MGAM2: variants seen among roughly 807,000 people sequenced by gnomAD.
The protein encoded by MGAM2 is probable maltase-glucoamylase 2.
Under a neutral mutation model 96.1 loss-of-function variants are expected in MGAM2, and 98 were observed. That is an observed-to-expected ratio of 1.02 (90% CI 0.87 to 1.21). The LOEUF (loss-of-function observed/expected upper bound fraction) is 1.21, where lower values mean the gene tolerates loss of function less well. MGAM2 is among the 50% of genes most tolerant of loss of function. MGAM2 has a pLI of 0.00. For missense variants in MGAM2, 2,055 were observed against 1,182.4 expected (o/e 1.74, Z -10.82); for synonymous variants, 749 against 414.8 (o/e 1.81, Z -9.79).
intron 15 of MGAM2, among the ~76,000 whole-genome samples, chr7:142,152,311 T>C (rs545933856): frequency 1.3e-5 from 2 of 152,206 alleles, no homozygotes; most frequent in Admixed American, 6.5e-5. Flanking sequence ...CTTTCATGAT[T>C]GATTACTGCA....
At chr7:142,214,412 T>C (rs1334085054) in intron 46 of MGAM2, among the ~76,000 whole-genome samples, 3 of 152,198 alleles carry the variant, frequency 2.0e-5, no homozygotes, top group African/African-American at 7.2e-5. Context: ...GAAAACCCCA[T>C]TGTCTCAGCC....
rs763403180 is a variant in MGAM2 at position 142,185,143 on chromosome 7, C to CAGTTGTATA, written c.3987+5_3987+13dup. 1 of 702,770 alleles carries CAGTTGTATA rather than the reference C, an allele frequency of 1.4e-6. No individual in the cohort carries two copies. Among genetic ancestry groups the CAGTTGTATA allele is most frequent in the South Asian group, 1.5e-5 (1 of 67,560 alleles). The allele number at this position is 702,770 out of a possible 1,614,324, so 43.5% of individuals were successfully genotyped here. On this transcript the variant is annotated splice_donor_region_variant and intron_variant, in intron 34 of 47. Coordinates refer to ENST00000477922, the MANE Select transcript of MGAM2 (RefSeq NM_001293626.2). ...TGACCATGAAACTCAGGTTAAGGTA[C>CAGTTGTATA]AGTTGTATATAGATTTTTGTCAACA...
intron 45 of MGAM2, among the ~76,000 whole-genome samples, chr7:142,200,449 A>G (rs1797184990): frequency 6.6e-6 from 1 of 152,224 alleles, no homozygotes; most frequent in East Asian, 1.9e-4. Context: ...GGATACTTAC[A>G]TCGATGAAAT....
chr7:142,164,723 A>T (rs1162330853), intron 23 of MGAM2, 133 bp from the exon 24 acceptor site: 1 of 532,590 alleles, frequency 1.9e-6, no homozygotes, highest in African/African-American at 1.9e-5. Context: ...AGGGATGATG[A>T]CCTAGCAACA....
chr7:142,176,486 G>A (rs987209557), intron 32 of MGAM2, among the ~76,000 whole-genome samples: 5 of 152,160 alleles, frequency 3.3e-5, no homozygotes, highest in African/African-American at 1.2e-4. Context: ...TGCATGCATA[G>A]TCTAAATTAG....
At chr7:142,155,667 C>T (rs559190522) in intron 17 of MGAM2, among the ~76,000 whole-genome samples, 5 of 152,124 alleles carry the variant, frequency 3.3e-5, no homozygotes, top group Admixed American at 3.3e-4. Context: ...TTCTAAATGT[C>T]TTAAGCAGGT....
rs1797828683 is a variant in MGAM2, at chr7:142,218,428, A to G, written c.5255A>G (p.Tyr1752Cys). Reference protein sequence around the residue: ...LSDSNPLKVGYIRIWGVNTYV... With the variant: ...LSDSNPLKVGCIRIWGVNTYV... ...GACTCGAATCCACTAAAAGTTGGGT[A>G]TATTAGAATCTGGGGTGTGAATACC... Residue 1752 changes from tyrosine (Y) to cysteine (C), a missense_variant, in exon 47 of 48, where the codon TAT becomes TGT. Tyr to Cys is a radical substitution (Grantham distance 194). Coordinates refer to ENST00000477922, the MANE Select transcript of MGAM2 (RefSeq NM_001293626.2). 1.4e-6 allele frequency: 1 copy of G among 702,556 alleles called. No homozygotes were observed. The highest frequency in any genetic ancestry group is 1.7e-5 in the African/African-American group (1 of 57,234). The allele number at this position is 702,556 out of a possible 1,614,324, so 43.5% of individuals were successfully genotyped here.
rs534889669 is a variant in MGAM2 at position 142,117,893 on chromosome 7, C to T, written c.106+914C>T. On this transcript the variant is annotated intron_variant, in intron 2 of 47. Coordinates refer to ENST00000477922, the MANE Select transcript of MGAM2 (RefSeq NM_001293626.2). ...CTTCACACCTGCATTCACCTTAAACCACATTCTGATTTATGCAGAGTAGTT... is the reference window on the plus strand; with the variant it reads ...CTTCACACCTGCATTCACCTTAAACTACATTCTGATTTATGCAGAGTAGTT... Among the ~76,000 whole-genome samples, 197 of 151,834 alleles carry T rather than the reference C, an allele frequency of 1.3e-3. 5 individuals are homozygous for T. The South Asian group carries it at 0.04, about 31-fold the overall frequency.
chr7:142,167,024 A>G (rs150053780), intron 25 of MGAM2, among the ~76,000 whole-genome samples: 46 of 152,268 alleles, frequency 3.0e-4, no homozygotes, highest in Non-Finnish European at 2.6e-4. Context: ...GATACCAGTA[A>G]TACCGGATCA....
intron 7 of MGAM2, among the ~76,000 whole-genome samples, chr7:142,135,722 T>TCACA (rs1476122778): frequency 6.5e-5 from 5 of 77,296 alleles, no homozygotes; most frequent in African/African-American, 3.6e-4. Flanking sequence ...GCACTTAGAG[T>TCACA]TACACACACA....
rs1053784807 is a variant in MGAM2, at chr7:142,220,936, G to A, written c.6425G>A (p.Ser2142Asn). 5.7e-6 allele frequency: 4 copies of A among 701,388 alleles called. No homozygotes were observed. In the African/African-American group the frequency reaches 7.0e-5, roughly 12 times the overall value. The allele number at this position is 701,388 out of a possible 1,614,324, so 43.4% of individuals were successfully genotyped here. A position where few individuals can be genotyped will look rare whatever the true frequency, so the allele number is the denominator to read the frequency against. Reference protein sequence around the residue: ...VSTSTTINNISTPVQTNTTNA... With the variant: ...VSTSTTINNINTPVQTNTTNA... The stretch of plus-strand genomic sequence containing the variant: ...ACTAGTACTACTATTAATAATATAA[G>A]TACTCCTGTTCAAACAAATACTACT... Residue 2142 changes from serine (S) to asparagine (N), a missense_variant, in exon 48 of 48, where the codon AGT becomes AAT. Ser to Asn is a conservative substitution (Grantham distance 46). Transcript: ENST00000477922.
At chr7:142,186,675 G>A (rs1286733104) in intron 35 of MGAM2, among the ~76,000 whole-genome samples, 1 of 152,182 alleles carries the variant, frequency 6.6e-6, no homozygotes, top group Non-Finnish European at 1.5e-5. Context: ...CCTCTGTCCT[G>A]ATTTCCTTCC....
rs1797885583 is a variant in MGAM2 at position 142,220,347 on chromosome 7, A to G, written c.5836A>G (p.Thr1946Ala). The G allele has an allele frequency of 1.4e-6, 1 of 702,516 alleles. No individual in the cohort carries two copies. Among genetic ancestry groups the G allele is most frequent in the South Asian group, 1.5e-5 (1 of 67,586 alleles). 43.5% of individuals were successfully genotyped at this position (702,516 alleles called of 1,614,324 possible). Residue 1946 changes from threonine (T) to alanine (A), a missense_variant, in exon 48 of 48, where the codon ACA becomes GCA. By Grantham distance (58) the Thr-to-Ala change is moderately conservative. Coordinates refer to ENST00000477922, the MANE Select transcript of MGAM2 (RefSeq NM_001293626.2). ...TCCTATCACAACCACATGTTTTGCA[A>G]CAAGTACTATTGGTGTTACAACTAA... ...TVPITTTCFA[T>A]STIGVTTNAT... is the part of the protein sequence containing the mutation.
At chr7:142,117,829 A>G (rs1334647938) in intron 2 of MGAM2, among the ~76,000 whole-genome samples, 3 of 152,148 alleles carry the variant, frequency 2.0e-5, no homozygotes, top group Non-Finnish European at 2.9e-5. Context: ...TCCAGTGTAT[A>G]TGACTAATTG....
chr7:142,143,367 T>A (rs1795291227), intron 12 of MGAM2, among the ~76,000 whole-genome samples: 1 of 152,208 alleles, frequency 6.6e-6, no homozygotes, highest in Non-Finnish European at 1.5e-5. Context: ...ATCAACACAT[T>A]ATTTATAATC....
chr7:142,162,453 G>A (rs1054459644), intron 23 of MGAM2, among the ~76,000 whole-genome samples: 2 of 152,030 alleles, frequency 1.3e-5, no homozygotes, highest in Non-Finnish European at 2.9e-5. Flanking sequence ...AACATCACTT[G>A]CCTCATATCT....
chr7:142,121,239 C>T (rs569252040), intron 3 of MGAM2, among the ~76,000 whole-genome samples: 20 of 152,090 alleles, frequency 1.3e-4, no homozygotes, highest in East Asian at 9.7e-4. Flanking sequence ...TGCAGTGGCG[C>T]GGATCTTGGC....
At chr7:142,153,268 G>A (rs1210435027) in intron 15 of MGAM2, among the ~76,000 whole-genome samples, 1 of 152,086 alleles carries the variant, frequency 6.6e-6, no homozygotes, top group East Asian at 1.9e-4. Context: ...CCAAAGTGCT[G>A]GGATTATAGG....
chr7:142,220,222 T>G lies in MGAM2; in HGVS notation c.5711T>G (p.Phe1904Cys), dbSNP rs1797879567. 1.4e-6 allele frequency: 1 copy of G among 702,464 alleles called. No individual in the cohort carries two copies. 43.5% of individuals were successfully genotyped at this position (702,464 alleles called of 1,614,324 possible). A position where few individuals can be genotyped will look rare whatever the true frequency, so the allele number is the denominator to read the frequency against. The change falls in exon 48 of 48, where the codon TTC becomes TGC. Residue 1904 changes from phenylalanine (F) to cysteine (C), a missense_variant. Physicochemically the swap from Phe to Cys is radical, Grantham distance 205. Transcript: ENST00000477922. Reference protein sequence around the residue: ...NATVPITTTPFPTSTIGVTTN... With the variant: ...NATVPITTTPCPTSTIGVTTN... ...ACTGTTCCTATCACAACCACACCTT[T>G]CCCAACAAGTACTATTGGTGTTACA...
Sources: allele counts gnomAD v4.1 joint callset (sites outside exome capture counted in the v4.1 genomes callset), GRCh38; gene constraint gnomAD v4.1.1; transcripts MANE v1.5; gene names NCBI Gene and HGNC (gene_info 2026-07-23, HGNC 2026-07-21).